The following PXDN variants were observed in gnomAD, a reference collection of about 807,000 sequenced individuals.
The protein encoded by PXDN is peroxidasin homolog.
In PXDN, 77 loss-of-function variants were observed where a neutral mutation model predicts 140.3. The ratio of observed to expected loss-of-function variants is 0.55; its 90% confidence interval spans 0.46 to 0.66. The LOEUF is 0.66. PXDN is among the 30% of genes least tolerant of loss of function. The pLI, the probability that PXDN is intolerant of heterozygous loss-of-function variation, is 0.00. For missense variants in PXDN, 1,838 were observed against 2,039.5 expected (o/e 0.90, Z 1.90); for synonymous variants, 911 against 857.4 (o/e 1.06, Z -1.09).
At chr2:1,689,427 A>C (rs894346962) in intron 3 of PXDN, among the ~76,000 whole-genome samples, 3 of 152,244 alleles carry the variant, frequency 2.0e-5, no homozygotes, top group Non-Finnish European at 2.9e-5. Context: ...CAACTGAATC[A>C]AACTAACATG....
intron 1 of PXDN, among the ~76,000 whole-genome samples, chr2:1,720,868 C>T (rs1028760054): frequency 1.3e-4 from 20 of 152,108 alleles, no homozygotes; most frequent in Admixed American, 4.6e-4. Flanking sequence ...CCTGGGTGGG[C>T]GCCTGACCCA....
chr2:1,673,652 C>G lies in PXDN; in HGVS notation c.1009G>C (p.Gly337Arg), dbSNP rs1333785854. 1.9e-6 allele frequency: 3 copies of G among 1,610,552 alleles called. No homozygotes were observed. Among genetic ancestry groups the G allele is most frequent in the Non-Finnish European group, 2.5e-6 (3 of 1,177,456 alleles). Residue 337 changes from glycine to arginine, a missense_variant, in exon 9 of 23, where the codon GGG becomes CGG. Gly to Arg is a moderately radical substitution (Grantham distance 125). Around this residue, in one of 5 missense-constraint regions of PXDN, gnomAD observed 208 missense variants for 325.8 expected, o/e 0.64. Transcript: ENST00000252804. ...KTQEVTLRYF[G>R]SPARPTFVIQ... ...AATGCCCGCCACATACCTGGAGACC[C>G]GAAGTACCTGAGGGTCACCTCTTGC...
At chr2:1,702,349 C>T (rs190277829) in intron 1 of PXDN, among the ~76,000 whole-genome samples, 227 of 152,304 alleles carry the variant, frequency 1.5e-3, no homozygotes, top group African/African-American at 5.2e-3. Context: ...TCCTCCAGGA[C>T]GCAGGGAATA....
intron 16 of PXDN, among the ~76,000 whole-genome samples, chr2:1,652,233 C>T (rs77256966): frequency 0.012 from 1,767 of 152,240 alleles, 53 homozygotes; most frequent in East Asian, 0.063. Context: ...ACTTGCTGGG[C>T]TGCCACAGTA....
intron 14 of PXDN, among the ~76,000 whole-genome samples, chr2:1,659,810 TAA>T (rs1683260823): frequency 6.6e-6 from 1 of 152,226 alleles, no homozygotes; most frequent in Non-Finnish European, 1.5e-5. Context: ...AAATAATTCT[TAA>T]AAGTCTTTGA....
chr2:1,711,739 G>C (rs889604430), intron 1 of PXDN, among the ~76,000 whole-genome samples: 4 of 152,210 alleles, frequency 2.6e-5, no homozygotes, highest in Non-Finnish European at 4.4e-5. Context: ...GGGAAGGCAA[G>C]TGCTGGTGGA....
At chr2:1,699,139 A>G (rs1312382802) in intron 1 of PXDN, among the ~76,000 whole-genome samples, 1 of 152,228 alleles carries the variant, frequency 6.6e-6, no homozygotes, top group Non-Finnish European at 1.5e-5. Flanking sequence ...GAAGGTTAGA[A>G]CTAAAAGGAA....
Position 1,661,155 on chromosome 2 carries a change from G to A in PXDN, c.1681-118C>T. 9 of 1,227,380 alleles carry A rather than the reference G, an allele frequency of 7.3e-6. No individual in the cohort carries two copies. The South Asian group carries it at 1.3e-4, about 18-fold the overall frequency. 76.0% of individuals were successfully genotyped at this position (1,227,380 alleles called of 1,614,324 possible). On this transcript the variant is annotated intron_variant, in intron 13 of 22. Coordinates refer to ENST00000252804, the MANE Select transcript of PXDN (RefSeq NM_012293.3). ...GGATTTGCAAATGGAGAAGCTCCCA[G>A]GCTGCGCTCAGATCCATCCAGGCCT... is the stretch of plus-strand genomic sequence containing the variant.
intron 1 of PXDN, among the ~76,000 whole-genome samples, chr2:1,719,453 G>T (rs1458301214): frequency 6.6e-6 from 1 of 152,198 alleles, no homozygotes; most frequent in African/African-American, 2.4e-5. Flanking sequence ...CCTAAGAGGG[G>T]ACACTGGCCT....
intron 11 of PXDN, chr2:1,664,463 G>A (rs1485110927): frequency 1.2e-5 from 2 of 160,354 alleles, no homozygotes; most frequent in East Asian, 1.8e-4. Context: ...GAAGAAAGAG[G>A]GCTAGGACTG....
At chr2:1,635,626 CA>C (rs1275121541) in intron 21 of PXDN, 105 bp from the exon 22 acceptor site, 4 of 881,302 alleles carry the variant, frequency 4.5e-6, no homozygotes, top group Non-Finnish European at 7.3e-6. Context: ...TTAAAATAAA[CA>C]ACATTTGAGG....
chr2:1,683,705 T>C lies in PXDN; in HGVS notation c.511A>G (p.Thr171Ala). Residue 171 changes from threonine to alanine, a missense_variant, in exon 6 of 23, where the codon ACA (threonine) becomes GCA (alanine). Thr to Ala is a moderately conservative substitution (Grantham distance 58, BLOSUM62 0). Coordinates refer to ENST00000252804, the MANE Select transcript of PXDN (RefSeq NM_012293.3). ...ERLFLHNNRI[T>A]HLVPGTFNHL... is the part of the protein sequence containing the mutation. ...TTAAATGTCCCTGGAACTAAATGTG[T>C]AATCCGGTTGTTATGCAAAAATCTG... 1.9e-6 allele frequency: 3 copies of C among 1,606,944 alleles called. No homozygotes were observed. Among genetic ancestry groups the C allele is most frequent in the Non-Finnish European group, 2.5e-6 (3 of 1,177,568 alleles).
intron 17 of PXDN, chr2:1,646,121 G>C (rs1682845307): frequency 6.6e-6 from 1 of 152,274 alleles, no homozygotes; most frequent in South Asian, 2.1e-4. Flanking sequence ...CAACCCCTCT[G>C]CCCTGTGAAG....
intron 1 of PXDN, among the ~76,000 whole-genome samples, chr2:1,728,316 G>A (rs555163296): frequency 1.3e-5 from 2 of 152,342 alleles, no homozygotes; most frequent in East Asian, 3.9e-4. Context: ...CGGTCACACG[G>A]CAAGGGCACC....
intron 1 of PXDN, among the ~76,000 whole-genome samples, chr2:1,697,775 C>T (rs555275678): frequency 5.9e-5 from 9 of 152,264 alleles, no homozygotes; most frequent in Admixed American, 1.3e-4. Flanking sequence ...GATGTGGCGG[C>T]GTGGTCCTAG....
At chr2:1,702,090 T>C (rs997497794) in intron 1 of PXDN, among the ~76,000 whole-genome samples, 1 of 152,084 alleles carries the variant, frequency 6.6e-6, no homozygotes, top group Non-Finnish European at 1.5e-5. Flanking sequence ...GAGATCAAAT[T>C]ACGTTAGTCA....
Position 1,684,166 on chromosome 2 carries a change from A to AG in PXDN, c.417-16dup, listed in dbSNP as rs765370043. On this transcript the variant is annotated splice_polypyrimidine_tract_variant and intron_variant, in intron 4 of 22. Coordinates refer to ENST00000252804, the MANE Select transcript of PXDN (RefSeq NM_012293.3). ...AGTGCAGGTATCTAGAGGAGTTAAAAGAAAAAAAAGTATAACTTACAATTT... is the reference window on the plus strand; with the variant it reads ...AGTGCAGGTATCTAGAGGAGTTAAAAGGAAAAAAAAGTATAACTTACAATTT... 2 of 1,550,750 alleles carry AG rather than the reference A, an allele frequency of 1.3e-6. No homozygotes were observed. Among genetic ancestry groups the AG allele is most frequent in the Non-Finnish European group, 8.7e-7 (1 of 1,144,756 alleles).
At position 1,719,834 on chromosome 2, in the gene PXDN, T is replaced by TGTG. The variant is rs1684976287; in HGVS notation, c.200+24421_200+24422insCAC. On this transcript the variant is annotated intron_variant, in intron 1 of 22. Coordinates refer to ENST00000252804, the MANE Select transcript of PXDN (RefSeq NM_012293.3). ...CACAGGATGTGTGTACATGCGTGCA[T>TGTG]TGTGTGTGTGTGTGTGTGTGTGTGT... Among the ~76,000 whole-genome samples the TGTG allele has an allele frequency of 6.7e-4, 73 of 108,346 alleles. 2 individuals are homozygous for TGTG. In the East Asian group the frequency reaches 0.013, roughly 20 times the overall value. 71.1% of individuals were successfully genotyped at this position (108,346 alleles called of 152,430 possible).
intron 8 of PXDN, 62 bp downstream of exon 8, chr2:1,676,865 T>A: frequency 6.8e-7 from 1 of 1,476,120 alleles, no homozygotes; most frequent in Non-Finnish European, 9.3e-7. Context: ...GAGGTGTGGT[T>A]TGGGTGTCTG....
Sources: gnomAD v4.1 joint callset for allele counts (sites outside exome capture counted in the v4.1 genomes callset) on GRCh38, gnomAD v4.1.1 for gene constraint, gnomAD v4.1.1 regional missense constraint, MANE v1.5 for transcripts, NCBI Gene and HGNC (gene_info 2026-07-23, HGNC 2026-07-21) for gene names.